The following DOCK2 variants were observed in gnomAD, a reference collection of about 807,000 sequenced individuals.
DOCK2 encodes the protein dedicator of cytokinesis 2.
Under a neutral mutation model 248.9 loss-of-function variants are expected in DOCK2, and 87 were observed. The ratio of observed to expected loss-of-function variants is 0.35; its 90% CI spans 0.29 to 0.42. The LOEUF is 0.42. Ranked by LOEUF, DOCK2 falls within the 10% of genes least tolerant of loss-of-function variation. The pLI is 1.00. For missense variants in DOCK2, 1,747 were observed against 2,300.2 expected (o/e 0.76, Z 4.92); for synonymous variants, 805 against 821.6 (o/e 0.98, Z 0.35).
chr5:169,816,265 A>C (rs1322884785), intron 26 of DOCK2, among the ~76,000 whole-genome samples: 1 of 152,164 alleles, frequency 6.6e-6, no homozygotes, highest in Non-Finnish European at 1.5e-5. Flanking sequence ...TGCCATGTAC[A>C]ATCTGAGGGG....
At chr5:169,777,170 T>TGCAC (rs1765429433) in intron 25 of DOCK2, among the ~76,000 whole-genome samples, 1 of 152,198 alleles carries the variant, frequency 6.6e-6, no homozygotes, top group South Asian at 2.1e-4. Flanking sequence ...CAAAGGTGCA[T>TGCAC]GCACACACAC....
chr5:169,874,131 G>A lies in DOCK2; in HGVS notation c.2799+33279G>A, dbSNP rs190833573. On this transcript the variant is annotated intron_variant, in intron 27 of 51. Transcript: ENST00000520908. ...TCAATAATGATTAAAATAAAAAAGC[G>A]GCCGGGTGTGGTGGCTCATGCCTGT... is the stretch of plus-strand genomic sequence containing the variant. Among the ~76,000 whole-genome samples, 590 of 152,258 alleles carry A rather than the reference G, an allele frequency of 3.9e-3. 5 individuals are homozygous for A. Among genetic ancestry groups the A allele is most frequent in the Non-Finnish European group, 4.7e-3 (320 of 68,018 alleles).
At chr5:169,804,485 TGC>T (rs1479245337) in intron 26 of DOCK2, among the ~76,000 whole-genome samples, 6 of 68,094 alleles carry the variant, frequency 8.8e-5, no homozygotes, top group East Asian at 1.3e-3. Context: ...TGTGTGTGTG[TGC>T]GCGCGCGCGT....
chr5:169,930,992 CAT>C (rs939789175), intron 27 of DOCK2, among the ~76,000 whole-genome samples: 4 of 152,222 alleles, frequency 2.6e-5, no homozygotes, highest in African/African-American at 9.6e-5. Flanking sequence ...GGCAGGTACT[CAT>C]GTGTGTGCCA....
chr5:169,944,163 G>C (rs1283309742), intron 27 of DOCK2, among the ~76,000 whole-genome samples: 1 of 152,152 alleles, frequency 6.6e-6, no homozygotes, highest in Non-Finnish European at 1.5e-5. Context: ...AGGCTCAGGG[G>C]CGTGAGCTGC....
intron 23 of DOCK2, among the ~76,000 whole-genome samples, chr5:169,752,610 G>A (rs925971043): frequency 1.3e-5 from 2 of 151,920 alleles, no homozygotes; most frequent in Admixed American, 6.6e-5. Context: ...GCTAGGCATG[G>A]GGGCCTGCCC....
chr5:169,864,131 T>G, intron 27 of DOCK2: 1 of 734,790 alleles, frequency 1.4e-6, no homozygotes, highest in Non-Finnish European at 2.2e-6. Flanking sequence ...CTACATCAGC[T>G]CCAAGGCTCT....
intron 25 of DOCK2, among the ~76,000 whole-genome samples, chr5:169,793,775 T>C (rs1247859179): frequency 3.3e-5 from 5 of 152,210 alleles, no homozygotes; most frequent in Non-Finnish European, 7.3e-5. Flanking sequence ...CCCTGTTTCC[T>C]GCAATCCAGC....
intron 26 of DOCK2, among the ~76,000 whole-genome samples, chr5:169,825,704 T>G (rs435413): frequency 0.32 from 47,688 of 150,208 alleles, 10,455 homozygotes; most frequent in African/African-American, 0.63. Context: ...CACCAACATG[T>G]CACATGTATA....
At chr5:169,877,915 A>G (rs1208671638) in intron 27 of DOCK2, among the ~76,000 whole-genome samples, 1 of 152,066 alleles carries the variant, frequency 6.6e-6, no homozygotes, top group Non-Finnish European at 1.5e-5. Context: ...TGTCTTTCCA[A>G]TTCCTGAACA....
At chr5:169,758,801 T>C (rs920249022) in intron 23 of DOCK2, among the ~76,000 whole-genome samples, 4 of 152,268 alleles carry the variant, frequency 2.6e-5, no homozygotes, top group African/African-American at 4.8e-5. Flanking sequence ...TCATTATTTA[T>C]GTTAAGAATC....
chr5:169,664,893 A>T (rs1580997232), intron 2 of DOCK2, among the ~76,000 whole-genome samples: 1 of 152,052 alleles, frequency 6.6e-6, no homozygotes, highest in African/African-American at 2.4e-5. Flanking sequence ...ATTTCAACAC[A>T]CAAGAAAGAA....
intron 27 of DOCK2, among the ~76,000 whole-genome samples, chr5:169,924,295 T>C (rs1775326335): frequency 1.3e-5 from 2 of 152,124 alleles, no homozygotes; most frequent in Non-Finnish European, 2.9e-5. Flanking sequence ...TTCAAACATA[T>C]ATTTTCAAAA....
chr5:169,904,086 C>T (rs1371500542), intron 27 of DOCK2, among the ~76,000 whole-genome samples: 4 of 122,036 alleles, frequency 3.3e-5, no homozygotes, highest in East Asian at 2.2e-4. Flanking sequence ...AGCAAGACTT[C>T]GTCTCAAAAA....
chr5:169,644,025 A>G (rs1014670555), intron 1 of DOCK2, among the ~76,000 whole-genome samples: 3 of 152,120 alleles, frequency 2.0e-5, no homozygotes, highest in Admixed American at 1.3e-4. Flanking sequence ...AATAGCCAAT[A>G]TAAAGAGGAG....
chr5:169,832,213 A>G (rs985248484), intron 26 of DOCK2, among the ~76,000 whole-genome samples: 2 of 152,248 alleles, frequency 1.3e-5, no homozygotes, highest in African/African-American at 4.8e-5. Flanking sequence ...AGTTGCTGGC[A>G]TATAATAAGA....
chr5:169,830,611 G>A (rs1315135222), intron 26 of DOCK2, among the ~76,000 whole-genome samples: 1 of 152,164 alleles, frequency 6.6e-6, no homozygotes, highest in African/African-American at 2.4e-5. Flanking sequence ...TATTGAACAT[G>A]CAGACTTTAG....
intron 27 of DOCK2, among the ~76,000 whole-genome samples, chr5:169,891,630 A>T (rs1412536203): frequency 6.6e-6 from 1 of 152,108 alleles, no homozygotes; most frequent in Non-Finnish European, 1.5e-5. Context: ...AACCCCCCTC[A>T]TTATAGAGAT....
At chr5:169,826,856 T>C (rs1045789928) in intron 26 of DOCK2, among the ~76,000 whole-genome samples, 5 of 152,134 alleles carry the variant, frequency 3.3e-5, no homozygotes, top group Non-Finnish European at 7.4e-5. Flanking sequence ...CGACTTTTTT[T>C]CTGAGGTTTC....
Sources: gnomAD v4.1 joint callset for allele counts (sites outside exome capture counted in the v4.1 genomes callset) on GRCh38, gnomAD v4.1.1 for gene constraint, MANE v1.5 for transcripts, NCBI Gene and HGNC (gene_info 2026-07-23, HGNC 2026-07-21) for gene names.